NCOA2: variants seen among roughly 807,000 people sequenced by gnomAD.
The protein encoded by NCOA2 is nuclear receptor coactivator 2, also known as class E basic helix-loop-helix protein 75.
Under a neutral mutation model 145.1 loss-of-function variants are expected in NCOA2, and 21 were observed. The ratio of observed to expected loss-of-function variants is 0.14; its 90% CI spans 0.10 to 0.21. NCOA2 has a LOEUF of 0.21. Among genes scored for constraint, NCOA2 ranks in the 10% least tolerant of loss-of-function variants. NCOA2 has a pLI of 1.00. For missense variants in NCOA2, 1,472 were observed against 1,837.6 expected (o/e 0.80, Z 3.64); for synonymous variants, 619 against 637.5 (o/e 0.97, Z 0.44).
intron 2 of NCOA2, among the ~76,000 whole-genome samples, chr8:70,217,996 A>C (rs2133970101): frequency 6.6e-6 from 1 of 152,182 alleles, no homozygotes; most frequent in East Asian, 1.9e-4. Flanking sequence ...AGGGAAGGTA[A>C]AGTGCATTAG....
At chr8:70,450,930 G>T in the NCOA2 span, among the ~76,000 whole-genome samples, 1 of 150,326 alleles carries the variant, frequency 6.7e-6, no homozygotes, top group Non-Finnish European at 1.5e-5. Flanking sequence ...TTTAAGGTTA[G>T]AACTGGCTGG....
At position 70,127,064 on chromosome 8, in the gene NCOA2, C is replaced by A. The variant is rs1338691129; in HGVS notation, c.3682-17G>T. 1 of 1,565,292 alleles carries A rather than the reference C, an allele frequency of 6.4e-7. No homozygotes were observed. The highest frequency in any genetic ancestry group is 1.8e-5 in the Admixed American group (1 of 56,726). Reference sequence around the variant, plus strand: ...AATAGGTGCCTGAAATCCGGGGCAACACATGGAGGAAAATGTCGGGGACAG... The same window carrying A: ...AATAGGTGCCTGAAATCCGGGGCAAAACATGGAGGAAAATGTCGGGGACAG... On this transcript the variant is annotated splice_polypyrimidine_tract_variant and intron_variant, in intron 18 of 22. Transcript: ENST00000452400.
Position 70,128,767 on chromosome 8 carries a change from C to A in NCOA2, c.3538G>T (p.Gly1180Cys). Residue 1180 changes from glycine to cysteine, a missense_variant, in exon 17 of 23, where the codon GGC (glycine) becomes TGC (cysteine). By Grantham distance (159) the Gly-to-Cys change is radical. Around this residue, in one of 4 missense-constraint regions of NCOA2, gnomAD observed 953 missense variants for 1,062.1 expected, o/e 0.90. Transcript: ENST00000452400. ...MQPRPGLRPT[G>C]LVQNQPNQLR... ...TGATTTGGCTGGTTCTGCACTAGGC[C>A]CGTGGGCCTGAGGCCCGGTCTGGGC... is the stretch of plus-strand genomic sequence containing the variant. 1.2e-6 allele frequency: 2 copies of A among 1,614,002 alleles called. No homozygotes were observed. Among genetic ancestry groups the A allele is most frequent in the Non-Finnish European group, 1.7e-6 (2 of 1,179,904 alleles).
the NCOA2 span, among the ~76,000 whole-genome samples, chr8:70,434,035 T>C: frequency 1.3e-5 from 2 of 152,166 alleles, no homozygotes; most frequent in African/African-American, 4.8e-5. Context: ...ATCGAAATCA[T>C]GGAAGTGAAT....
At chr8:70,343,351 C>T (rs889348755) in intron 1 of NCOA2, among the ~76,000 whole-genome samples, 1 of 151,924 alleles carries the variant, frequency 6.6e-6, no homozygotes, top group African/African-American at 2.4e-5. Context: ...CTTTCCACAC[C>T]AGTACCATTT....
At chr8:70,116,185 T>TGAAAAAA (rs1807101662) in intron 22 of NCOA2, among the ~76,000 whole-genome samples, 1 of 77,468 alleles carries the variant, frequency 1.3e-5, no homozygotes. Flanking sequence ...AGACTCTGTC[T>TGAAAAAA]TAAAAAAAAA....
chr8:70,321,777 A>C (rs1170062662), intron 1 of NCOA2, among the ~76,000 whole-genome samples: 1 of 139,966 alleles, frequency 7.1e-6, no homozygotes, highest in Non-Finnish European at 1.5e-5. Flanking sequence ...ATGCTTTCCT[A>C]AGTTTCAGAA....
At chr8:70,136,303 A>G (rs1482918346) in intron 15 of NCOA2, among the ~76,000 whole-genome samples, 1 of 152,104 alleles carries the variant, frequency 6.6e-6, no homozygotes, top group Non-Finnish European at 1.5e-5. Flanking sequence ...TGGAGGTTGC[A>G]GTGAGCCGAG....
chr8:70,292,222 G>A (rs1488453582), intron 2 of NCOA2, among the ~76,000 whole-genome samples: 3 of 151,764 alleles, frequency 2.0e-5, no homozygotes, highest in South Asian at 2.1e-4. Flanking sequence ...GCGTGATCTC[G>A]GCTCACTGCA....
At chr8:70,440,410 C>CA in the NCOA2 span, among the ~76,000 whole-genome samples, 6 of 152,144 alleles carry the variant, frequency 3.9e-5, no homozygotes, top group Non-Finnish European at 8.8e-5. Flanking sequence ...CCGTCTCTAA[C>CA]AAAAAATACA....
rs1034396904 is a variant in NCOA2, at chr8:70,110,295, C to T, written c.*3337G>A. The T allele has an allele frequency of 3.5e-5, 7 of 197,260 alleles. No individual in the cohort carries two copies. Among genetic ancestry groups the T allele is most frequent in the Admixed American group, 6.1e-5 (1 of 16,522 alleles). The allele number at this position is 197,260 out of a possible 1,614,324, so 12.2% of individuals were successfully genotyped here. Reference sequence around the variant, plus strand: ...AATTCACTATACAAATATAATACATCGGACAGCTATGTAGGAATATACAAG... The same window carrying T: ...AATTCACTATACAAATATAATACATTGGACAGCTATGTAGGAATATACAAG... On this transcript the variant is annotated 3_prime_UTR_variant, in exon 23 of 23. Transcript: ENST00000452400.
chr8:70,419,014 G>A, the NCOA2 span, among the ~76,000 whole-genome samples: 1 of 151,728 alleles, frequency 6.6e-6, no homozygotes. Flanking sequence ...TGTATAATGG[G>A]TTGTCAGTGC....
At chr8:70,117,777 C>T (rs1031292126) in intron 22 of NCOA2, among the ~76,000 whole-genome samples, 2 of 152,232 alleles carry the variant, frequency 1.3e-5, no homozygotes, top group African/African-American at 4.8e-5. Flanking sequence ...AACAGTAGCT[C>T]TACCAGACAG....
chr8:70,444,630 G>A, the NCOA2 span, among the ~76,000 whole-genome samples: 1 of 152,110 alleles, frequency 6.6e-6, no homozygotes, highest in African/African-American at 2.4e-5. Context: ...TGGGCAAAGG[G>A]TATATGGGAT....
At chr8:70,210,294 A>G (rs995416872) in intron 4 of NCOA2, among the ~76,000 whole-genome samples, 17 of 152,234 alleles carry the variant, frequency 1.1e-4, no homozygotes, top group Non-Finnish European at 1.9e-4. Flanking sequence ...AGTCTTAGCT[A>G]GTATTAAAAA....
At chr8:70,456,337 G>C in the NCOA2 span, among the ~76,000 whole-genome samples, 2 of 152,180 alleles carry the variant, frequency 1.3e-5, no homozygotes. Context: ...CTGGGAGTGG[G>C]AGATTAAAAG....
intron 1 of NCOA2, among the ~76,000 whole-genome samples, chr8:70,353,256 T>G (rs1809400596): frequency 6.6e-6 from 1 of 151,242 alleles, no homozygotes; most frequent in Non-Finnish European, 1.5e-5. Flanking sequence ...ATGTGTTTGT[T>G]TTTGTTTTTT....
chr8:70,451,894 A>G, the NCOA2 span, among the ~76,000 whole-genome samples: 1 of 152,250 alleles, frequency 6.6e-6, no homozygotes. Context: ...TGTCTGTAAT[A>G]GATAAAGAAC....
chr8:70,347,440 G>A (rs554659318), intron 1 of NCOA2, among the ~76,000 whole-genome samples: 2 of 151,448 alleles, frequency 1.3e-5, no homozygotes, highest in African/African-American at 2.4e-5. Context: ...AGCCAAGATC[G>A]TGCCATTGCA....
Sources: gnomAD v4.1 joint callset for allele counts (sites outside exome capture counted in the v4.1 genomes callset) on GRCh38, gnomAD v4.1.1 for gene constraint, gnomAD v4.1.1 regional missense constraint, MANE v1.5 for transcripts, NCBI Gene and HGNC (gene_info 2026-07-23, HGNC 2026-07-21) for gene names.